BNC2: variants seen among roughly 807,000 people sequenced by gnomAD.
BNC2 encodes basonuclin zinc finger protein 2.
BNC2 carries 20 observed loss-of-function variants against 76.3 expected under a neutral mutation model. That is an observed-to-expected ratio of 0.26 (90% CI 0.18 to 0.38). The LOEUF is 0.38. BNC2 is among the 10% of genes least tolerant of loss of function. BNC2 has a pLI of 1.00. For missense variants in BNC2, 1,382 were observed against 1,399.8 expected, an observed-to-expected ratio of 0.99 and a Z score of 0.20; for synonymous variants, 582 against 514.8, an observed-to-expected ratio of 1.13 and a Z score of -1.77.
At chr9:16,618,137 G>T (rs140767601) in intron 3 of BNC2, among the ~76,000 whole-genome samples, 198 of 152,244 alleles carry the variant, frequency 1.3e-3, no homozygotes, top group African/African-American at 4.6e-3. Flanking sequence ...CCAATGGAAC[G>T]CCAGCTACCC....
intron 1 of BNC2, among the ~76,000 whole-genome samples, chr9:16,789,654 C>T (rs4961496): frequency 0.8 from 121,143 of 152,162 alleles, 49,951 homozygotes; most frequent in Non-Finnish European, 0.91. Context: ...TTGGCTCTTA[C>T]AATGCCTGGT....
chr9:16,446,351 G>C (rs1821231529), intron 5 of BNC2, among the ~76,000 whole-genome samples: 1 of 152,098 alleles, frequency 6.6e-6, no homozygotes, highest in African/African-American at 2.4e-5. Flanking sequence ...GTGGAAGTTT[G>C]AGGAGCATGG....
chr9:16,425,481 C>G (rs1382260331), intron 6 of BNC2, among the ~76,000 whole-genome samples: 1 of 152,152 alleles, frequency 6.6e-6, no homozygotes, highest in Non-Finnish European at 1.5e-5. Context: ...AGGGGCGATT[C>G]TCCTGAGAAG....
At chr9:16,478,431 T>G (rs1204431227) in intron 5 of BNC2, among the ~76,000 whole-genome samples, 1 of 152,236 alleles carries the variant, frequency 6.6e-6, no homozygotes, top group Non-Finnish European at 1.5e-5. Flanking sequence ...ACCGTAATTC[T>G]GTTGTTAATG....
At chr9:16,738,839 C>T (rs1017858102) in intron 1 of BNC2, among the ~76,000 whole-genome samples, 24 of 149,546 alleles carry the variant, frequency 1.6e-4, no homozygotes, top group African/African-American at 5.9e-4. Context: ...CCCAGCCCCC[C>T]GCCCCGCTCC....
intron 5 of BNC2, among the ~76,000 whole-genome samples, chr9:16,469,471 A>G (rs962912813): frequency 2.0e-5 from 3 of 152,146 alleles, no homozygotes; most frequent in Admixed American, 6.5e-5. Context: ...GCCTCTCACC[A>G]TGATTCTGAG....
intron 6 of BNC2, among the ~76,000 whole-genome samples, chr9:16,434,525 A>G (rs1352731162): frequency 2.0e-5 from 3 of 152,226 alleles, no homozygotes; most frequent in Non-Finnish European, 2.9e-5. Context: ...TATAATGGGA[A>G]TAACTAACTG....
intron 3 of BNC2, among the ~76,000 whole-genome samples, chr9:16,584,384 T>G (rs1819712750): frequency 6.6e-6 from 1 of 152,336 alleles, no homozygotes; most frequent in African/African-American, 2.4e-5. Context: ...AGAATAAGAC[T>G]GAGCAGGCTT....
At chr9:16,608,223 C>G (rs1820436690) in intron 3 of BNC2, among the ~76,000 whole-genome samples, 1 of 152,130 alleles carries the variant, frequency 6.6e-6, no homozygotes, top group Non-Finnish European at 1.5e-5. Flanking sequence ...GACCCCAATT[C>G]CTCACTTGTA....
At chr9:16,774,244 A>C (rs1052344159) in intron 1 of BNC2, among the ~76,000 whole-genome samples, 1 of 152,110 alleles carries the variant, frequency 6.6e-6, no homozygotes, top group African/African-American at 2.4e-5. Flanking sequence ...CAGCCTCCCA[A>C]AGTGCTGGGA....
chr9:16,715,704 T>C (rs1823979948), intron 3 of BNC2, among the ~76,000 whole-genome samples: 1 of 152,196 alleles, frequency 6.6e-6, no homozygotes. Context: ...AAGGAGCAGC[T>C]ACCTCACTGT....
At chr9:16,812,605 A>G (rs1818080213) in intron 1 of BNC2, among the ~76,000 whole-genome samples, 1 of 152,202 alleles carries the variant, frequency 6.6e-6, no homozygotes, top group Non-Finnish European at 1.5e-5. Flanking sequence ...TTCATCTTAA[A>G]CAGTTTTTTC....
intron 1 of BNC2, among the ~76,000 whole-genome samples, chr9:16,795,044 C>T (rs1406778942): frequency 8.5e-5 from 13 of 152,226 alleles, no homozygotes; most frequent in Non-Finnish European, 1.5e-5. Flanking sequence ...GGTTCACTCA[C>T]TATCCAGTCC....
intron 3 of BNC2, among the ~76,000 whole-genome samples, chr9:16,664,689 G>C (rs1822213150): frequency 6.9e-6 from 1 of 144,186 alleles, no homozygotes; most frequent in South Asian, 2.3e-4. Context: ...AGGGTATTCA[G>C]GAAAAAAACA....
At chr9:16,720,144 G>C (rs529394765) in intron 3 of BNC2, among the ~76,000 whole-genome samples, 23 of 152,106 alleles carry the variant, frequency 1.5e-4, no homozygotes, top group African/African-American at 4.6e-4. Context: ...AGCAACACTC[G>C]AGACAGTCCT....
At chr9:16,500,409 G>A (rs538503432) in intron 5 of BNC2, among the ~76,000 whole-genome samples, 20 of 152,170 alleles carry the variant, frequency 1.3e-4, no homozygotes, top group African/African-American at 4.8e-4. Context: ...GGAACCATAT[G>A]AAAGCTGATA....
At chr9:16,640,625 C>T (rs1167965080) in intron 3 of BNC2, among the ~76,000 whole-genome samples, 1 of 152,132 alleles carries the variant, frequency 6.6e-6, no homozygotes, top group African/African-American at 2.4e-5. Context: ...CAAGTTTATG[C>T]AAGAAACTGT....
chr9:16,413,753 C>T lies in BNC2; in HGVS notation c.*5236G>A, dbSNP rs1228834898. 1 of 152,156 alleles carries T rather than the reference C, an allele frequency of 6.6e-6. No homozygotes were observed. Among genetic ancestry groups the T allele is most frequent in the Non-Finnish European group, 1.5e-5 (1 of 68,036 alleles). The allele number at this position is 152,156 out of a possible 1,614,324, so 9.4% of individuals were successfully genotyped here. ...TTAGTACTAACGCAAACAAGACTAC[C>T]ACGTGTGGTTTATCTCTGAGGGAAA... On this transcript the variant is annotated 3_prime_UTR_variant, in exon 7 of 7. Coordinates refer to ENST00000380672, the MANE Select transcript of BNC2 (RefSeq NM_017637.6).
chr9:16,478,348 C>T (rs1296304402), intron 5 of BNC2, among the ~76,000 whole-genome samples: 1 of 152,174 alleles, frequency 6.6e-6, no homozygotes, highest in African/African-American at 2.4e-5. Context: ...TTGCTCAATG[C>T]TCCTCATACA....
Sources: gnomAD v4.1 joint callset for allele counts (sites outside exome capture counted in the v4.1 genomes callset) on GRCh38, gnomAD v4.1.1 for gene constraint, MANE v1.5 for transcripts, NCBI Gene and HGNC (gene_info 2026-07-23, HGNC 2026-07-21) for gene names.